Variants in AUH observed in about 807,000 individuals in gnomAD.
AUH encodes the protein methylglutaconyl-CoA hydratase, mitochondrial.
A neutral mutation model predicts 42.3 loss-of-function variants in AUH; 29 were observed. The observed-to-expected ratio is 0.69, with a 90% CI of 0.51 to 0.93. The LOEUF is 0.93. Among genes scored for constraint, AUH ranks in the 40% least tolerant of loss-of-function variants. AUH has a pLI of 0.00. For synonymous variants in AUH, 174 were observed against 166.4 expected, an observed-to-expected ratio of 1.05 and a Z score of -0.35; for missense variants, 452 against 438.1, an observed-to-expected ratio of 1.03 and a Z score of -0.28.
chr9:91,272,920 A>G (rs965748519), intron 6 of AUH, among the ~76,000 whole-genome samples: 1 of 152,248 alleles, frequency 6.6e-6, no homozygotes, highest in Non-Finnish European at 1.5e-5. Context: ...TACTGACTAC[A>G]TAACATTTGT....
intron 4 of AUH, among the ~76,000 whole-genome samples, chr9:91,302,936 T>A (rs61374079): frequency 2.0e-5 from 3 of 152,118 alleles, no homozygotes; most frequent in African/African-American, 7.2e-5. Context: ...CAATGGCTAT[T>A]CCCAACAGCA....
At chr9:91,277,378 TGTA>T (rs1564057683) in intron 6 of AUH, among the ~76,000 whole-genome samples, 1 of 152,110 alleles carries the variant, frequency 6.6e-6, no homozygotes, top group Non-Finnish European at 1.5e-5. Flanking sequence ...TATCAAAAAA[TGTA>T]GTATTATCAA....
intron 6 of AUH, among the ~76,000 whole-genome samples, chr9:91,276,759 C>T (rs1377832171): frequency 6.6e-6 from 1 of 152,176 alleles, no homozygotes; most frequent in East Asian, 1.9e-4. Flanking sequence ...TCACCTTATA[C>T]ACTGGCAAGA....
intron 3 of AUH, among the ~76,000 whole-genome samples, chr9:91,354,376 T>C (rs755774688): frequency 2.1e-4 from 32 of 152,084 alleles, no homozygotes; most frequent in Non-Finnish European, 1.5e-4. Flanking sequence ...GCAAAGTAAA[T>C]AGATTAAATT....
At chr9:91,251,069 G>A (rs1317252062) in intron 6 of AUH, among the ~76,000 whole-genome samples, 1 of 152,210 alleles carries the variant, frequency 6.6e-6, no homozygotes, top group East Asian at 1.9e-4. Flanking sequence ...CTAGGGTCCA[G>A]ACCAGGGGTT....
At chr9:91,268,987 C>CT (rs11356485) in intron 6 of AUH, among the ~76,000 whole-genome samples, 88 of 148,286 alleles carry the variant, frequency 5.9e-4, no homozygotes, top group East Asian at 2.4e-3. Flanking sequence ...TTAACACTTT[C>CT]TTTTTTTTTT....
intron 6 of AUH, among the ~76,000 whole-genome samples, chr9:91,255,105 G>C (rs780322620): frequency 6.6e-6 from 1 of 152,204 alleles, no homozygotes; most frequent in Non-Finnish European, 1.5e-5. Context: ...ATCTCGGCCA[G>C]AGGTTTGGAA....
intron 4 of AUH, among the ~76,000 whole-genome samples, chr9:91,310,431 C>A (rs1465635310): frequency 6.6e-6 from 1 of 152,162 alleles, no homozygotes; most frequent in African/African-American, 2.4e-5. Context: ...AGGTACCTAC[C>A]ATGTGCTCAT....
intron 6 of AUH, among the ~76,000 whole-genome samples, chr9:91,268,216 C>T (rs933539955): frequency 6.6e-6 from 1 of 152,126 alleles, no homozygotes; most frequent in Non-Finnish European, 1.5e-5. Context: ...CAAAGTGCTC[C>T]ACCTAAACTT....
chr9:91,325,265 T>G, intron 4 of AUH, 53 bp downstream of exon 4: 39 of 1,430,900 alleles, frequency 2.7e-5, no homozygotes, highest in Non-Finnish European at 3.4e-5. Context: ...TTTTTAAATG[T>G]GACATTTAAG....
intron 4 of AUH, among the ~76,000 whole-genome samples, chr9:91,304,514 C>T (rs959178737): frequency 6.6e-6 from 1 of 152,176 alleles, no homozygotes; most frequent in East Asian, 1.9e-4. Context: ...AGATTTTATA[C>T]TCAATGATGA....
chr9:91,323,201 G>A (rs1829719759), intron 4 of AUH, among the ~76,000 whole-genome samples: 1 of 152,048 alleles, frequency 6.6e-6, no homozygotes, highest in Admixed American at 6.6e-5. Flanking sequence ...GTTGGGGGAG[G>A]AGATAAAAAC....
chr9:91,293,880 A>C (rs551044325), intron 6 of AUH, among the ~76,000 whole-genome samples: 210 of 152,152 alleles, frequency 1.4e-3, no homozygotes, highest in Middle Eastern at 3.4e-3. Context: ...GGACAGACTG[A>C]CTCCCTTGTT....
chr9:91,227,838 T>G (rs1012422663), intron 6 of AUH, among the ~76,000 whole-genome samples: 1 of 152,170 alleles, frequency 6.6e-6, no homozygotes, highest in African/African-American at 2.4e-5. Context: ...TGGCTCTGTT[T>G]ATGTGCTGGA....
chr9:91,283,186 A>C (rs1297983465), intron 6 of AUH, among the ~76,000 whole-genome samples: 2 of 152,248 alleles, frequency 1.3e-5, no homozygotes, highest in Non-Finnish European at 2.9e-5. Flanking sequence ...GTAATCCAGC[A>C]TATAAACAGA....
intron 6 of AUH, among the ~76,000 whole-genome samples, chr9:91,231,428 G>A (rs1243426070): frequency 6.6e-6 from 1 of 152,158 alleles, no homozygotes; most frequent in Non-Finnish European, 1.5e-5. Flanking sequence ...CACGGTGCGC[G>A]CACCCACTGA....
At chr9:91,235,209 G>A (rs901214581) in intron 6 of AUH, among the ~76,000 whole-genome samples, 1 of 152,082 alleles carries the variant, frequency 6.6e-6, no homozygotes, top group South Asian at 2.1e-4. Context: ...GAGATGATAG[G>A]GGCAAAATCA....
chr9:91,328,116 A>G (rs531592507), intron 3 of AUH, among the ~76,000 whole-genome samples: 349 of 152,324 alleles, frequency 2.3e-3, no homozygotes, highest in Non-Finnish European at 3.5e-3. Context: ...GAATCCTGTA[A>G]CATCATGAGG....
At chr9:91,291,405 C>T (rs991797778) in intron 6 of AUH, among the ~76,000 whole-genome samples, 3 of 152,304 alleles carry the variant, frequency 2.0e-5, no homozygotes, top group Non-Finnish European at 4.4e-5. Context: ...CCAACAAATG[C>T]TTACTTCTCA....
Sources: allele counts gnomAD v4.1 joint callset (sites outside exome capture counted in the v4.1 genomes callset), GRCh38; gene constraint gnomAD v4.1.1; transcripts MANE v1.5; gene names NCBI Gene and HGNC (gene_info 2026-07-23, HGNC 2026-07-21).